Variants in NYAP2 observed in about 807,000 individuals in gnomAD.
The protein encoded by NYAP2 is neuronal tyrosine-phosphorylated phosphoinositide-3-kinase adaptor 2.
In NYAP2, 23 loss-of-function variants were observed where a neutral mutation model predicts 50.4. That is an observed-to-expected ratio of 0.46 (90% confidence interval 0.33 to 0.65). The LOEUF (loss-of-function observed/expected upper bound fraction) is 0.65. Among genes scored for constraint, NYAP2 ranks in the 30% least tolerant of loss-of-function variants. The pLI is 0.02. For missense variants in NYAP2, 885 were observed against 861.0 expected, an observed-to-expected ratio of 1.03 and a Z score of -0.35; for synonymous variants, 394 against 365.2, an observed-to-expected ratio of 1.08 and a Z score of -0.90.
intron 3 of NYAP2, among the ~76,000 whole-genome samples, chr2:225,505,175 C>G (rs1690683589): frequency 6.6e-6 from 1 of 151,676 alleles, no homozygotes; most frequent in South Asian, 2.1e-4. Context: ...GTGTAAAAAT[C>G]CCACTTTTAA....
intron 4 of NYAP2, among the ~76,000 whole-genome samples, chr2:225,528,877 C>T (rs966225109): frequency 4.1e-4 from 62 of 152,152 alleles, no homozygotes; most frequent in South Asian, 2.1e-4. Flanking sequence ...TATACAATTC[C>T]TTAATTGCAA....
chr2:225,493,844 T>C (rs1690453551), intron 3 of NYAP2, among the ~76,000 whole-genome samples: 1 of 152,238 alleles, frequency 6.6e-6, no homozygotes, highest in African/African-American at 2.4e-5. Context: ...GCTACCAATG[T>C]GAAGTCACGT....
chr2:225,466,454 T>C (rs1689920052), intron 3 of NYAP2, among the ~76,000 whole-genome samples: 1 of 152,204 alleles, frequency 6.6e-6, no homozygotes, highest in Admixed American at 6.5e-5. Flanking sequence ...TTAATTATTT[T>C]CTTTCAAGCA....
In NYAP2 at chr2:225,420,668, T is replaced by A. The variant is rs565763550; in HGVS notation, c.221+11567T>A. Among the ~76,000 whole-genome samples, 6 of 151,722 alleles carry A rather than the reference T, an allele frequency of 4.0e-5. No individual in the cohort carries two copies. In the South Asian group the frequency reaches 1.0e-3, roughly 26 times the overall value. ...ACTCTGCCACCCAGGCTGAGTGCAG[T>A]GACGTGATCTCATCTCACTGCAACC... On this transcript the variant is annotated intron_variant, in intron 3 of 6. Transcript: ENST00000636099.
chr2:225,640,293 T>A (rs1693504855), intron 6 of NYAP2, among the ~76,000 whole-genome samples: 1 of 152,214 alleles, frequency 6.6e-6, no homozygotes. Context: ...TTGGTATCTA[T>A]AAAAATTAAT....
intron 3 of NYAP2, among the ~76,000 whole-genome samples, chr2:225,483,153 C>T (rs1690234451): frequency 6.6e-6 from 1 of 151,968 alleles, no homozygotes. Flanking sequence ...AACACTGTAT[C>T]ATATACTTAA....
At chr2:225,623,258 A>G (rs1292283062) in intron 5 of NYAP2, among the ~76,000 whole-genome samples, 1 of 152,232 alleles carries the variant, frequency 6.6e-6, no homozygotes, top group Non-Finnish European at 1.5e-5. Context: ...GGAAGGCTTT[A>G]TGGGGGAAAA....
chr2:225,487,314 C>T (rs1167960156), intron 3 of NYAP2, among the ~76,000 whole-genome samples: 2 of 152,098 alleles, frequency 1.3e-5, no homozygotes, highest in South Asian at 2.1e-4. Flanking sequence ...GGACCTCTGC[C>T]GTAGCCTCGA....
At chr2:225,461,127 G>A (rs1265197512) in intron 3 of NYAP2, among the ~76,000 whole-genome samples, 2 of 151,680 alleles carry the variant, frequency 1.3e-5, no homozygotes, top group Non-Finnish European at 2.9e-5. Context: ...TCTGCTTAAA[G>A]CTAAATGATG....
intron 3 of NYAP2, among the ~76,000 whole-genome samples, chr2:225,424,947 T>C (rs570062381): frequency 1.5e-4 from 23 of 152,194 alleles, no homozygotes; most frequent in Middle Eastern, 6.8e-3. Flanking sequence ...TAAAAAAAGA[T>C]TGAGTTCGTT....
At chr2:225,579,880 T>C (rs1408022293) in intron 4 of NYAP2, among the ~76,000 whole-genome samples, 3 of 152,174 alleles carry the variant, frequency 2.0e-5, no homozygotes, top group African/African-American at 7.2e-5. Flanking sequence ...AAATTATAAT[T>C]TAAGAGGGTG....
chr2:225,572,889 G>T (rs1161625734), intron 4 of NYAP2, among the ~76,000 whole-genome samples: 1 of 152,042 alleles, frequency 6.6e-6, no homozygotes, highest in Non-Finnish European at 1.5e-5. Context: ...CTTGTGGCTG[G>T]CGACCTCTAC....
chr2:225,655,907 C>CACACACACACACACACACACACACAT (rs1188029337), downstream of NYAP2, among the ~76,000 whole-genome samples: 46 of 144,822 alleles, frequency 3.2e-4, no homozygotes, highest in African/African-American at 1.1e-3. Context: ...CACACACACA[C>CACACACACACACACACACACACACAT]ACACACACAC....
At chr2:225,506,994 A>G (rs10498191) in intron 3 of NYAP2, among the ~76,000 whole-genome samples, 34,204 of 152,124 alleles carry the variant, frequency 0.22, 3,890 homozygotes, top group African/African-American at 0.26. Flanking sequence ...AATCAGTTTC[A>G]GAGATAGGTT....
At chr2:225,628,085 A>G (rs1693241510) in intron 6 of NYAP2, among the ~76,000 whole-genome samples, 1 of 152,196 alleles carries the variant, frequency 6.6e-6, no homozygotes, top group African/African-American at 2.4e-5. Flanking sequence ...AACAATACCC[A>G]GACAGGAGCA....
intron 3 of NYAP2, among the ~76,000 whole-genome samples, chr2:225,463,954 C>T (rs978713029): frequency 2.0e-5 from 3 of 152,108 alleles, no homozygotes; most frequent in Admixed American, 2.0e-4. Flanking sequence ...GAGATTACAG[C>T]TAGAATGCAA....
intron 2 of NYAP2, among the ~76,000 whole-genome samples, chr2:225,405,618 A>G (rs1450513920): frequency 6.6e-6 from 1 of 151,996 alleles, no homozygotes; most frequent in Non-Finnish European, 1.5e-5. Flanking sequence ...GAAGTAGACA[A>G]TGAACATAAG....
At chr2:225,407,267 A>G (rs905902555) in intron 2 of NYAP2, among the ~76,000 whole-genome samples, 15 of 152,194 alleles carry the variant, frequency 9.9e-5, no homozygotes, top group African/African-American at 3.6e-4. Context: ...TCATGTAAGC[A>G]TCTAATCTGA....
intron 4 of NYAP2, among the ~76,000 whole-genome samples, chr2:225,573,066 A>G (rs1188845261): frequency 6.6e-6 from 1 of 152,164 alleles, no homozygotes; most frequent in Non-Finnish European, 1.5e-5. Context: ...ATATTCTAAA[A>G]GGATGCTTTC....
Sources: allele counts gnomAD v4.1 joint callset (sites outside exome capture counted in the v4.1 genomes callset), GRCh38; gene constraint gnomAD v4.1.1; transcripts MANE v1.5; gene names NCBI Gene and HGNC (gene_info 2026-07-23, HGNC 2026-07-21).